The following NRSN1 variants were observed in gnomAD, a reference collection of about 807,000 sequenced individuals.
NRSN1 encodes neurensin-1.
A neutral mutation model predicts 17.3 loss-of-function variants in NRSN1; 14 were observed. The ratio of observed to expected loss-of-function variants is 0.81; its 90% CI spans 0.54 to 1.27. The LOEUF is 1.27. NRSN1 is among the 50% of genes most tolerant of loss of function. NRSN1 has a pLI of 0.00. For missense variants in NRSN1, 209 were observed against 235.9 expected, an observed-to-expected ratio of 0.89 and a Z score of 0.75; for synonymous variants, 79 against 94.2, an observed-to-expected ratio of 0.84 and a Z score of 0.93.
chr6:24,139,860 C>T (rs1241768004), intron 3 of NRSN1, among the ~76,000 whole-genome samples: 1 of 152,190 alleles, frequency 6.6e-6, no homozygotes, highest in South Asian at 2.1e-4. Context: ...GAGTTCAAGG[C>T]TGCAATGAAC....
intron 2 of NRSN1, among the ~76,000 whole-genome samples, chr6:24,133,186 C>A (rs1760064541): frequency 6.6e-6 from 1 of 152,128 alleles, no homozygotes; most frequent in African/African-American, 2.4e-5. Flanking sequence ...TTTTATTTAA[C>A]AGTTCTCTGA....
In NRSN1 at chr6:24,145,536, A is replaced by G; in HGVS notation, c.190-12A>G. On this transcript the variant is annotated splice_polypyrimidine_tract_variant and intron_variant, in intron 3 of 3. Coordinates refer to ENST00000378491, the MANE Select transcript of NRSN1 (RefSeq NM_080723.5). The surrounding 1 kb of genome is among the most constrained non-coding windows in gnomAD (Gnocchi z 4.4). Reference sequence around the variant, plus strand: ...CTCACTCTATCTTGCTTCTGTCATTATCTACCTGTAGGTTGGACTCATCTC... The same window carrying G: ...CTCACTCTATCTTGCTTCTGTCATTGTCTACCTGTAGGTTGGACTCATCTC... 1.3e-6 allele frequency: 2 copies of G among 1,559,104 alleles called. No individual in the cohort carries two copies. The highest frequency in any genetic ancestry group is 1.7e-6 in the Non-Finnish European group (2 of 1,148,882).
intron 3 of NRSN1, among the ~76,000 whole-genome samples, chr6:24,140,281 C>T (rs536482152): frequency 6.6e-6 from 1 of 152,182 alleles, no homozygotes; most frequent in South Asian, 2.1e-4. Context: ...GAATTGCTTT[C>T]GAAGATGGAG....
At chr6:24,141,343 C>T (rs1760199732) in intron 3 of NRSN1, 1 of 981,118 alleles carries the variant, frequency 1.0e-6, no homozygotes, top group Non-Finnish European at 1.3e-6. Context: ...GGTACCAAGA[C>T]TAAGCTGATG....
At chr6:24,138,889 C>T (rs578110221) in intron 3 of NRSN1, among the ~76,000 whole-genome samples, 2 of 152,314 alleles carry the variant, frequency 1.3e-5, no homozygotes, top group Non-Finnish European at 2.9e-5. Flanking sequence ...TCATGTACAA[C>T]ATGTTGTTTT....
rs747460455 is a variant in NRSN1, at chr6:24,134,435, C to T, written c.108C>T (p.Asp36=). The change falls in exon 3 of 4, where the codon GAC becomes GAT. Residue 36 remains aspartate (D), a synonymous_variant. Transcript: ENST00000378491. ...CCTACCTGCACCAGTTTTATGAGGA[C>T]TGTACAGCCTCAATTTGGGAGTATG... is the stretch of plus-strand genomic sequence containing the variant. ...VRSYLHQFYE[D]CTASIWEYED... is the part of the protein sequence containing the mutation. 1.2e-6 allele frequency: 2 copies of T among 1,614,094 alleles called. No individual in the cohort carries two copies. The highest frequency in any genetic ancestry group is 1.7e-5 in the Admixed American group (1 of 60,026).
chr6:24,133,841 T>C (rs1760073388), intron 2 of NRSN1, among the ~76,000 whole-genome samples: 1 of 152,080 alleles, frequency 6.6e-6, no homozygotes. Flanking sequence ...GTTGTTGTTG[T>C]TGTTTGTTTT....
At chr6:24,141,749 T>C (rs1489192435) in intron 3 of NRSN1, among the ~76,000 whole-genome samples, 2 of 152,244 alleles carry the variant, frequency 1.3e-5, no homozygotes, top group African/African-American at 4.8e-5. Flanking sequence ...AGGAGCAGAC[T>C]GCTCTGAGAA....
At chr6:24,128,082 G>T (rs1050602465) in intron 1 of NRSN1, 46 bp from the exon 2 acceptor site, 19 of 152,138 alleles carry the variant, frequency 1.2e-4, no homozygotes, top group African/African-American at 4.3e-4. Flanking sequence ...ATGAAATTTA[G>T]ATTTTGATCT....
Position 24,136,917 on chromosome 6 carries a change from A to C in NRSN1, c.189+2401A>C, listed in dbSNP as rs2113714338. Among the ~76,000 whole-genome samples the C allele has an allele frequency of 2.6e-5, 4 of 152,340 alleles. No homozygotes were observed. In the South Asian group the frequency reaches 8.3e-4, roughly 32 times the overall value. On this transcript the variant is annotated intron_variant, in intron 3 of 3. Coordinates refer to ENST00000378491, the MANE Select transcript of NRSN1 (RefSeq NM_080723.5). ...GAGACCTCATCTCTATCAAGGGATA[A>C]ACCAACTGTTCCTGGGTTTCCTCCT...
At chr6:24,138,738 C>G (rs555802021) in intron 3 of NRSN1, among the ~76,000 whole-genome samples, 12 of 152,274 alleles carry the variant, frequency 7.9e-5, no homozygotes, top group African/African-American at 2.9e-4. Context: ...CCCTCTTGAG[C>G]TAAGTCAGAG....
At position 24,145,233 on chromosome 6, in the gene NRSN1, CTTTAGATAATATAAAGATTATATATATA is replaced by C. The variant is rs1760282994; in HGVS notation, c.190-313_190-286del. On this transcript the variant is annotated intron_variant, in intron 3 of 3. Coordinates refer to ENST00000378491, the MANE Select transcript of NRSN1 (RefSeq NM_080723.5). This position sits in a 1 kb window ranked among gnomAD's most constrained non-coding sequence, Gnocchi z 4.4. ...TAGATAATATAAAGATTATATATAT[CTTTAGATAATATAAAGATTATATATATA>C]TCTTTAGATATACAATATATGTATA... is the stretch of plus-strand genomic sequence containing the variant. Among the ~76,000 whole-genome samples, 2 of 143,688 alleles carry C rather than the reference CTTTAGATAATATAAAGATTATATATATA, an allele frequency of 1.4e-5. No homozygotes were observed. The highest frequency in any genetic ancestry group is 1.4e-4 in the Admixed American group (2 of 14,200). 94.3% of individuals were successfully genotyped at this position (143,688 alleles called of 152,430 possible). A position where few individuals can be genotyped will look rare whatever the true frequency, so the allele number is the denominator to read the frequency against.
chr6:24,143,024 G>T (rs947427963), intron 3 of NRSN1, among the ~76,000 whole-genome samples: 3 of 152,158 alleles, frequency 2.0e-5, no homozygotes, highest in Non-Finnish European at 4.4e-5. Flanking sequence ...GCTGATTGGT[G>T]TGTTTTTTAC....
At chr6:24,142,335 C>T (rs1381817206) in intron 3 of NRSN1, among the ~76,000 whole-genome samples, 1 of 151,144 alleles carries the variant, frequency 6.6e-6, no homozygotes, top group African/African-American at 2.4e-5. Context: ...AAGAAATATA[C>T]AAAATAGTAA....
chr6:24,132,076 T>C (rs1177567646), intron 2 of NRSN1, among the ~76,000 whole-genome samples: 2 of 152,204 alleles, frequency 1.3e-5, no homozygotes, highest in African/African-American at 2.4e-5. Flanking sequence ...TTGGTTTTAA[T>C]TGACCAACAG....
chr6:24,145,108 A>G lies in NRSN1; in HGVS notation c.190-440A>G, dbSNP rs927018907. On this transcript the variant is annotated intron_variant, in intron 3 of 3. Coordinates refer to ENST00000378491, the MANE Select transcript of NRSN1 (RefSeq NM_080723.5). This position sits in a 1 kb window ranked among gnomAD's most constrained non-coding sequence, Gnocchi z 4.4. ...TTATATATTTTATATATATCTTTAG[A>G]TATATATATAATATACATATCTTTA... Among the ~76,000 whole-genome samples, 18 of 144,740 alleles carry G rather than the reference A, an allele frequency of 1.2e-4. No homozygotes were observed. The highest frequency in any genetic ancestry group is 2.6e-4 in the Non-Finnish European group (17 of 66,316). The allele number at this position is 144,740 out of a possible 152,430, so 95.0% of individuals were successfully genotyped here.
In NRSN1 at chr6:24,145,105, TAG is replaced by T. The variant is rs1056585908; in HGVS notation, c.190-441_190-440del. Among the ~76,000 whole-genome samples the T allele has an allele frequency of 2.1e-5, 3 of 145,392 alleles. No homozygotes were observed. Among genetic ancestry groups the T allele is most frequent in the African/African-American group, 7.5e-5 (3 of 40,098 alleles). On this transcript the variant is annotated intron_variant, in intron 3 of 3. Transcript: ENST00000378491. This position sits in a 1 kb window ranked among gnomAD's most constrained non-coding sequence, Gnocchi z 4.4. ...ATATTATATATTTTATATATATCTT[TAG>T]ATATATATATAATATACATATCTTT...
In NRSN1 at chr6:24,147,428, T is replaced by G. The variant is rs764087145; in HGVS notation, c.*1482T>G. ...GAACCTGAATTGCATTGTCATTCCT[T>G]CAGTGTGGTTATTTTCTCTCCAACA... On this transcript the variant is annotated 3_prime_UTR_variant, in exon 4 of 4. Coordinates refer to ENST00000378491, the MANE Select transcript of NRSN1 (RefSeq NM_080723.5). 25 of 151,802 alleles carry G rather than the reference T, an allele frequency of 1.6e-4. No individual in the cohort carries two copies. Among genetic ancestry groups the G allele is most frequent in the Middle Eastern group, 3.4e-3 (1 of 294 alleles). The allele number at this position is 151,802 out of a possible 1,614,324, so 9.4% of individuals were successfully genotyped here.
intron 3 of NRSN1, among the ~76,000 whole-genome samples, 161 bp downstream of exon 3, chr6:24,134,677 C>T (rs1051140793): frequency 6.6e-6 from 1 of 152,104 alleles, no homozygotes; most frequent in Admixed American, 6.5e-5. Context: ...AGAATCTAAA[C>T]CTTGGGCCAA....
Sources: gnomAD v4.1 joint callset for allele counts (sites outside exome capture counted in the v4.1 genomes callset) on GRCh38, gnomAD v4.1.1 for gene constraint, Gnocchi (gnomAD v3.1) non-coding constraint, MANE v1.5 for transcripts, NCBI Gene and HGNC (gene_info 2026-07-23, HGNC 2026-07-21) for gene names.